Variants in NAALADL2 observed in about 807,000 individuals in gnomAD.
NAALADL2 encodes inactive N-acetylated-alpha-linked acidic dipeptidase-like protein 2.
Under a neutral mutation model 87.2 loss-of-function variants are expected in NAALADL2, and 76 were observed. The observed-to-expected ratio is 0.87, with a 90% CI of 0.72 to 1.05. The LOEUF (loss-of-function observed/expected upper bound fraction) is 1.05. Among genes scored for constraint, NAALADL2 ranks in the 50% least tolerant of loss-of-function variants. The pLI is 0.00. For missense variants in NAALADL2, 1,089 were observed against 945.8 expected (o/e 1.15, Z -1.99); for synonymous variants, 354 against 331.0 (o/e 1.07, Z -0.75).
At chr3:174,469,665 C>T (rs115863682) in intron 1 of NAALADL2, among the ~76,000 whole-genome samples, 1 of 151,520 alleles carries the variant, frequency 6.6e-6, no homozygotes, top group Admixed American at 6.6e-5. Flanking sequence ...CTCTTGACGT[C>T]GTGATCCGCC....
At chr3:174,475,475 T>C (rs1717159395) in intron 1 of NAALADL2, among the ~76,000 whole-genome samples, 1 of 151,850 alleles carries the variant, frequency 6.6e-6, no homozygotes, top group Non-Finnish European at 1.5e-5. Context: ...TTTAGTTTCA[T>C]AGAAATATAT....
chr3:175,401,987 A>G (rs1027094059), intron 5 of NAALADL2, among the ~76,000 whole-genome samples: 1 of 152,010 alleles, frequency 6.6e-6, no homozygotes, highest in African/African-American at 2.4e-5. Context: ...GTGACTTCCT[A>G]AGGCACTTAT....
intron 12 of NAALADL2, among the ~76,000 whole-genome samples, chr3:175,751,477 T>C (rs886468342): frequency 6.6e-6 from 1 of 150,576 alleles, no homozygotes; most frequent in African/African-American, 2.5e-5. Context: ...TAGTAACTTG[T>C]GTTGTTTGTG....
At chr3:175,710,530 G>C (rs539674179) in intron 11 of NAALADL2, among the ~76,000 whole-genome samples, 1 of 151,450 alleles carries the variant, frequency 6.6e-6, no homozygotes, top group African/African-American at 2.4e-5. Flanking sequence ...TCTACAGGAT[G>C]AGTAAGTAGT....
intron 5 of NAALADL2, among the ~76,000 whole-genome samples, chr3:175,349,207 TAA>T (rs577690261): frequency 4.4e-5 from 6 of 136,056 alleles, no homozygotes; most frequent in Non-Finnish European, 6.2e-5. Flanking sequence ...CAACTGCTAT[TAA>T]AAAAAAAAAA....
At chr3:174,855,980 G>A (rs1276981272), upstream of NAALADL2, among the ~76,000 whole-genome samples, 247 of 142,966 alleles carry the variant, frequency 1.7e-3, no homozygotes, top group Admixed American at 5.4e-3. Flanking sequence ...GTGTGTGTGT[G>A]TATATATATA....
intron 6 of NAALADL2, among the ~76,000 whole-genome samples, chr3:175,452,842 C>T (rs1298815485): frequency 6.6e-6 from 1 of 152,060 alleles, no homozygotes; most frequent in African/African-American, 2.4e-5. Flanking sequence ...ATGGAGTGAG[C>T]GTAGGGGGGA....
chr3:175,650,347 A>G (rs889363783), intron 11 of NAALADL2, among the ~76,000 whole-genome samples: 12 of 152,208 alleles, frequency 7.9e-5, no homozygotes, highest in African/African-American at 2.9e-4. Flanking sequence ...TTGATTGCAA[A>G]TAGAACTCAA....
At chr3:175,690,367 G>A (rs902774303) in intron 11 of NAALADL2, among the ~76,000 whole-genome samples, 1 of 152,020 alleles carries the variant, frequency 6.6e-6, no homozygotes, top group East Asian at 1.9e-4. Context: ...AGGGTCAGAA[G>A]ATATGTAGTA....
At chr3:175,527,702 T>C (rs1733598285) in intron 9 of NAALADL2, among the ~76,000 whole-genome samples, 1 of 152,226 alleles carries the variant, frequency 6.6e-6, no homozygotes, top group Non-Finnish European at 1.5e-5. Context: ...TCAAGGGTAG[T>C]AGCATTTTAG....
At chr3:174,875,216 C>T (rs1299282522) in intron 1 of NAALADL2, among the ~76,000 whole-genome samples, 6 of 151,008 alleles carry the variant, frequency 4.0e-5, no homozygotes, top group African/African-American at 7.3e-5. Flanking sequence ...ATGTTATCAA[C>T]CTCTCCAATT....
At chr3:175,204,644 A>C (rs1292341440) in intron 2 of NAALADL2, among the ~76,000 whole-genome samples, 2 of 151,852 alleles carry the variant, frequency 1.3e-5, no homozygotes, top group Non-Finnish European at 2.9e-5. Context: ...AGTATAGAGG[A>C]AGTCAAACTG....
At chr3:175,133,127 G>A (rs865791571) in intron 2 of NAALADL2, among the ~76,000 whole-genome samples, 1 of 148,740 alleles carries the variant, frequency 6.7e-6, no homozygotes, top group Admixed American at 6.6e-5. Context: ...GACGATGGGC[G>A]GCCGGGCAGA....
rs75841977 is a variant in NAALADL2, at chr3:175,807,411, T to A, written c.*4208T>A. On this transcript the variant is annotated 3_prime_UTR_variant, in exon 14 of 14. Transcript: ENST00000454872. ...AAATGAAAATCTATAATTATTTGTA[T>A]GATAAATTGGTAGACCTAGCCAAAA... 1 of 151,920 alleles carries A rather than the reference T, an allele frequency of 6.6e-6. No homozygotes were observed. The highest frequency in any genetic ancestry group is 1.5e-5 in the Non-Finnish European group (1 of 67,884). The allele number at this position is 151,920 out of a possible 1,614,324, so 9.4% of individuals were successfully genotyped here. A position where few individuals can be genotyped will look rare whatever the true frequency, so the allele number is the denominator to read the frequency against.
chr3:175,592,307 C>CTTTTTTTTTTTTTTTTTTTTT (rs758914649), intron 10 of NAALADL2, among the ~76,000 whole-genome samples: 1 of 43,250 alleles, frequency 2.3e-5, no homozygotes. Context: ...TTTTTCTTTT[C>CTTTTTTTTTTTTTTTTTTTTT]TTTTTTTTTT....
At chr3:175,432,009 C>A (rs977266482) in intron 5 of NAALADL2, among the ~76,000 whole-genome samples, 7 of 151,792 alleles carry the variant, frequency 4.6e-5, no homozygotes, top group African/African-American at 1.7e-4. Flanking sequence ...CTAATTCATG[C>A]AGCTATTACT....
chr3:175,650,404 A>G (rs569332953), intron 11 of NAALADL2, among the ~76,000 whole-genome samples: 41 of 152,336 alleles, frequency 2.7e-4, no homozygotes, highest in Admixed American at 2.0e-3. Context: ...AATACTCTAT[A>G]GCTGGATTGT....
At position 174,973,194 on chromosome 3, in the gene NAALADL2, C is replaced by T. The variant is rs78816819; in HGVS notation, c.43+113744C>T. Among the ~76,000 whole-genome samples, 568 of 152,086 alleles carry T rather than the reference C, an allele frequency of 3.7e-3. 2 individuals carry two copies. The highest frequency in any genetic ancestry group is 0.013 in the African/African-American group (539 of 41,486). On this transcript the variant is annotated intron_variant, in intron 1 of 13. Transcript: ENST00000454872. ...ATAGCTCAGTGTCCTTTATGGCATACGTTTTTAAAGAAGTAATTATTTGAT... is the reference window on the plus strand; with the variant it reads ...ATAGCTCAGTGTCCTTTATGGCATATGTTTTTAAAGAAGTAATTATTTGAT...
chr3:175,366,546 T>C (rs1339076086), intron 5 of NAALADL2, among the ~76,000 whole-genome samples: 101 of 151,726 alleles, frequency 6.7e-4, no homozygotes, highest in African/African-American at 2.1e-3. Context: ...TTAATGGTTG[T>C]CATTCTAACT....
Sources: gnomAD v4.1 joint callset for allele counts (sites outside exome capture counted in the v4.1 genomes callset) on GRCh38, gnomAD v4.1.1 for gene constraint, MANE v1.5 for transcripts, NCBI Gene and HGNC (gene_info 2026-07-23, HGNC 2026-07-21) for gene names.